VAX1: variants seen among roughly 807,000 people sequenced by gnomAD.
VAX1 encodes ventral anterior homeobox 1.
Under a neutral mutation model 17.6 loss-of-function variants are expected in VAX1, and 6 were observed. The ratio of observed to expected loss-of-function variants is 0.34; its 90% CI spans 0.19 to 0.67. The LOEUF is 0.67. Ranked by LOEUF, VAX1 falls within the 30% of genes least tolerant of loss-of-function variation. VAX1 has a pLI of 0.69. For missense variants in VAX1, 408 were observed against 463.7 expected, an observed-to-expected ratio of 0.88 and a Z score of 1.10; for synonymous variants, 256 against 227.4, an observed-to-expected ratio of 1.13 and a Z score of -1.13.
At position 117,137,185 on chromosome 10, in the gene VAX1, G is replaced by C. The variant is rs1335149007; in HGVS notation, c.242-526C>G. On this transcript the variant is annotated intron_variant, in intron 1 of 2. Transcript: ENST00000369206. This position sits in a 1 kb window ranked among gnomAD's most constrained non-coding sequence, Gnocchi z 7.4. ...CTGCTGGCTGGGGCGGCGCCGGGCC[G>C]GGGCCCGGCCTCGCAGCCTCCGCCG... Among the ~76,000 whole-genome samples, 1 of 151,952 alleles carries C rather than the reference G, an allele frequency of 6.6e-6. No individual in the cohort carries two copies. Among genetic ancestry groups the C allele is most frequent in the Non-Finnish European group, 1.5e-5 (1 of 67,960 alleles).
At chr10:117,130,963 G>A (rs2133656668), downstream of VAX1, 1 of 152,748 alleles carries the variant, frequency 6.5e-6, no homozygotes, top group South Asian at 2.1e-4. Flanking sequence ...CCCTGGGAGA[G>A]GAGGCTGAAT....
At position 117,133,352 on chromosome 10, in the gene VAX1, C is replaced by T; in HGVS notation, c.*656G>A. 4 of 985,488 alleles carry T rather than the reference C, an allele frequency of 4.1e-6. No individual in the cohort carries two copies. The highest frequency in any genetic ancestry group is 4.8e-6 in the Non-Finnish European group (4 of 829,978). 61.0% of individuals were successfully genotyped at this position (985,488 alleles called of 1,614,324 possible). On this transcript the variant is annotated 3_prime_UTR_variant, in exon 3 of 3. Transcript: ENST00000369206. ...TCAAATTTATCAGTGTCGTTGCCTA[C>T]TACGACGTTTGTTACTGTTTCCTGG...
Position 117,136,463 on chromosome 10 carries a change from G to T in VAX1, c.429+9C>A. Reference sequence around the variant, plus strand: ...GTGCAGAACTGTGTGCGGCCTGGTCGCCGGGTACCTGGGTCTCGGAGAGGT... The same window carrying T: ...GTGCAGAACTGTGTGCGGCCTGGTCTCCGGGTACCTGGGTCTCGGAGAGGT... On this transcript the variant is annotated intron_variant, in intron 2 of 2. Transcript: ENST00000369206. This position sits in a 1 kb window ranked among gnomAD's most constrained non-coding sequence, Gnocchi z 5.0. 1 of 1,612,308 alleles carries T rather than the reference G, an allele frequency of 6.2e-7. No homozygotes were observed. The highest frequency in any genetic ancestry group is 2.2e-5 in the East Asian group (1 of 44,854).
rs1021000913 is a variant in VAX1 at position 117,134,603 on chromosome 10, G to C, written c.430-20C>G. The C allele has an allele frequency of 2.0e-6, 3 of 1,506,792 alleles. No individual in the cohort carries two copies. The highest frequency in any genetic ancestry group is 2.9e-5 in the African/African-American group (2 of 69,448). 93.3% of individuals were successfully genotyped at this position (1,506,792 alleles called of 1,614,324 possible). ...CTTCACCTGCGCGCCGGGGTGCGGGGAGAGTTGGAGAGAGGGGCAGGGAAG... is the reference window on the plus strand; with the variant it reads ...CTTCACCTGCGCGCCGGGGTGCGGGCAGAGTTGGAGAGAGGGGCAGGGAAG... On this transcript the variant is annotated intron_variant, in intron 2 of 2. Coordinates refer to ENST00000369206, the MANE Select transcript of VAX1 (RefSeq NM_001112704.2). The surrounding 1 kb of genome is among the most constrained non-coding windows in gnomAD (Gnocchi z 6.2).
At chr10:117,133,287 A>G (rs1854115517), downstream of VAX1, 1 of 985,400 alleles carries the variant, frequency 1.0e-6, no homozygotes, top group Non-Finnish European at 1.2e-6. Flanking sequence ...GTTCCACTTC[A>G]TCTGGTTTTA....
chr10:117,132,327 C>A, downstream of VAX1: 3 of 1,612,430 alleles, frequency 1.9e-6, no homozygotes, highest in South Asian at 3.3e-5. This position sits in a 1 kb window ranked among gnomAD's most constrained non-coding sequence, Gnocchi z 4.9. Context: ...CAAAAATACA[C>A]CTCATTTATC....
At chr10:117,132,323 T>A (rs892015683), downstream of VAX1, 2 of 1,613,248 alleles carry the variant, frequency 1.2e-6, no homozygotes, top group African/African-American at 1.3e-5. The surrounding 1 kb of genome is among the most constrained non-coding windows in gnomAD (Gnocchi z 4.9). Flanking sequence ...AAGACAAAAA[T>A]ACACCTCATT....
chr10:117,135,845 C>T (rs1854168162), intron 2 of VAX1, among the ~76,000 whole-genome samples: 1 of 152,370 alleles, frequency 6.6e-6, no homozygotes, highest in Non-Finnish European at 1.5e-5. Context: ...CCATCACACA[C>T]CTCACACATC....
In VAX1 at chr10:117,134,263, A is replaced by G; in HGVS notation, c.750T>C (p.Ala250=). ...CCGGCCCGGCGGGCCCGGGACCTGG[A>G]GCACCGCCCACAGCCGGCGGGTGCG... ...ASPHPPAVGG[A]PGPGPAGPGG... is the part of the protein sequence containing the mutation. Residue 250 remains alanine (A), a synonymous_variant, in exon 3 of 3, where the codon GCT becomes GCC. Coordinates refer to ENST00000369206, the MANE Select transcript of VAX1 (RefSeq NM_001112704.2). This position sits in a 1 kb window ranked among gnomAD's most constrained non-coding sequence, Gnocchi z 6.2. The G allele has an allele frequency of 7.5e-7, 1 of 1,334,154 alleles. No individual in the cohort carries two copies. The allele number at this position is 1,334,154 out of a possible 1,614,324, so 82.6% of individuals were successfully genotyped here.
At position 117,136,501 on chromosome 10, in the gene VAX1, C is replaced by A; in HGVS notation, c.400G>T (p.Ala134Ser). 3.1e-6 allele frequency: 5 copies of A among 1,613,718 alleles called. No homozygotes were observed. The highest frequency in any genetic ancestry group is 4.2e-6 in the Non-Finnish European group (5 of 1,180,002). The change falls in exon 2 of 3, where the codon GCC (alanine) becomes TCC (serine). Residue 134 changes from alanine to serine, a missense_variant. Transcript: ENST00000369206. The surrounding 1 kb of genome is among the most constrained non-coding windows in gnomAD (Gnocchi z 5.0). ...YVVGRERTEL[A>S]RQLNLSETQV... ...GTCTCGGAGAGGTTAAGCTGCCGGGCGAGCTCGGTCCTCTCGCGGCCCACC... is the reference window on the plus strand; with the variant it reads ...GTCTCGGAGAGGTTAAGCTGCCGGGAGAGCTCGGTCCTCTCGCGGCCCACC...
rs948925832 is a variant in VAX1 at position 117,137,900 on chromosome 10, C to G, written c.157G>C (p.Ala53Pro). The G allele has an allele frequency of 6.2e-7, 1 of 1,613,808 alleles. No individual in the cohort carries two copies. Residue 53 changes from alanine to proline, a missense_variant, in exon 1 of 3, where the codon GCG becomes CCG. Physicochemically the swap from Ala to Pro is conservative, Grantham distance 27. Transcript: ENST00000369206. This position sits in a 1 kb window ranked among gnomAD's most constrained non-coding sequence, Gnocchi z 7.4. ...TTACAATCCTCAGCAGCGCCCGACG[C>G]TGAGAAGGCGCCCTGCGGCTCCTTG... ...FLKEPQGAFSASGAAEDCNKS... is the reference protein window; with the variant it reads ...FLKEPQGAFSPSGAAEDCNKS...
chr10:117,131,964 T>G, downstream of VAX1: 1 of 448,210 alleles, frequency 2.2e-6, no homozygotes, highest in South Asian at 6.0e-5. Flanking sequence ...AAACCTAGCA[T>G]TAGGAGGCAG....
At chr10:117,132,292 GT>G (rs1053234122), downstream of VAX1, 8 of 1,613,402 alleles carry the variant, frequency 5.0e-6, no homozygotes, top group African/African-American at 6.7e-5. This position sits in a 1 kb window ranked among gnomAD's most constrained non-coding sequence, Gnocchi z 4.9. Context: ...TTCTTCTTTT[GT>G]TTTTTTATCC....
At chr10:117,130,186 G>A (rs189606917), downstream of VAX1, 1 of 152,366 alleles carries the variant, frequency 6.6e-6, no homozygotes, top group East Asian at 1.9e-4. Flanking sequence ...TCAGTCCTGT[G>A]TGAGTCTTTA....
At chr10:117,131,901 TTGCACAAAATCCAAAA>T, downstream of VAX1, 1 of 367,978 alleles carries the variant, frequency 2.7e-6, no homozygotes, top group East Asian at 4.4e-5. Flanking sequence ...GGGCCCATGA[TTGCACAAAATCCAAAA>T]TGCTGCCGGC....
Position 117,134,427 on chromosome 10 carries a change from G to C in VAX1, c.586C>G (p.Leu196Val). Residue 196 changes from leucine (L) to valine (V), a missense_variant, in exon 3 of 3, where the codon CTG becomes GTG. Coordinates refer to ENST00000369206, the MANE Select transcript of VAX1 (RefSeq NM_001112704.2). This position sits in a 1 kb window ranked among gnomAD's most constrained non-coding sequence, Gnocchi z 6.2. ...GCGCCCGTGGCGCAAGGCGGCAGCA[G>C]CGCAGGCAGGCCGGGCGGCGACAAC... is the stretch of plus-strand genomic sequence containing the variant. Reference protein sequence around the residue: ...RLLSPPGLPALLPPCATGALG... With the variant: ...RLLSPPGLPAVLPPCATGALG... 1 of 1,504,792 alleles carries C rather than the reference G, an allele frequency of 6.6e-7. No homozygotes were observed. 93.2% of individuals were successfully genotyped at this position (1,504,792 alleles called of 1,614,324 possible).
At position 117,133,979 on chromosome 10, in the gene VAX1, T is replaced by C; in HGVS notation, c.*29A>G. On this transcript the variant is annotated 3_prime_UTR_variant, in exon 3 of 3. Coordinates refer to ENST00000369206, the MANE Select transcript of VAX1 (RefSeq NM_001112704.2). Reference sequence around the variant, plus strand: ...ATAAATATCACCACAATAGATACTATAAATATAAATACAGGGAAACACTTA... The same window carrying C: ...ATAAATATCACCACAATAGATACTACAAATATAAATACAGGGAAACACTTA... The C allele has an allele frequency of 1.3e-6, 2 of 1,492,592 alleles. No homozygotes were observed. The highest frequency in any genetic ancestry group is 2.8e-5 in the East Asian group (1 of 35,344). The allele number at this position is 1,492,592 out of a possible 1,614,324, so 92.5% of individuals were successfully genotyped here.
In VAX1 at chr10:117,136,619, G is replaced by A. The variant is rs1318389011; in HGVS notation, c.282C>T (p.Gly94=). 3 of 1,611,616 alleles carry A rather than the reference G, an allele frequency of 1.9e-6. No homozygotes were observed. The highest frequency in any genetic ancestry group is 2.5e-6 in the Non-Finnish European group (3 of 1,178,338). The change falls in exon 2 of 3, where the codon GGC becomes GGT. Residue 94 remains glycine, a synonymous_variant. Coordinates refer to ENST00000369206, the MANE Select transcript of VAX1 (RefSeq NM_001112704.2). This position sits in a 1 kb window ranked among gnomAD's most constrained non-coding sequence, Gnocchi z 5.0. ...GSIREIILPK[G]LDLDRPKRTR... ...TCCTCTTAGGCCGGTCCAAGTCCAG[G>A]CCCTTGGGCAGGATGATCTCTCGGA...
rs1335412488 is a variant in VAX1, at chr10:117,134,347, A to G, written c.666T>C (p.Ala222=). Residue 222 remains alanine (A), a synonymous_variant, in exon 3 of 3, where the codon GCT becomes GCC. Transcript: ENST00000369206. This position sits in a 1 kb window ranked among gnomAD's most constrained non-coding sequence, Gnocchi z 6.2. ...PSLPALGAGA[A]AGSAAAAAAA... is the part of the protein sequence containing the mutation. Reference sequence around the variant, plus strand: ...CGGCGGCTGCGGCGGCCGAGCCTGCAGCGGCGCCCGCGCCCAGGGCCGGCA... The same window carrying G: ...CGGCGGCTGCGGCGGCCGAGCCTGCGGCGGCGCCCGCGCCCAGGGCCGGCA... 9 of 1,093,632 alleles carry G rather than the reference A, an allele frequency of 8.2e-6. No individual in the cohort carries two copies. In the African/African-American group the frequency reaches 1.5e-4, roughly 18 times the overall value. The allele number at this position is 1,093,632 out of a possible 1,614,324, so 67.7% of individuals were successfully genotyped here. A position where few individuals can be genotyped will look rare whatever the true frequency, so the allele number is the denominator to read the frequency against.
Sources: allele counts gnomAD v4.1 joint callset (sites outside exome capture counted in the v4.1 genomes callset), GRCh38; gene constraint gnomAD v4.1.1; non-coding constraint Gnocchi (gnomAD v3.1); transcripts MANE v1.5; gene names NCBI Gene and HGNC (gene_info 2026-07-23, HGNC 2026-07-21).